Variants in WWOX observed in about 807,000 individuals in gnomAD.
The protein encoded by WWOX is WW domain-containing oxidoreductase.
In WWOX, 69 loss-of-function variants were observed where a neutral mutation model predicts 46.2. The observed-to-expected ratio is 1.49, with a 90% confidence interval of 1.23 to 1.82. WWOX has a LOEUF of 1.82. Ranked by LOEUF, WWOX falls within the 40% of genes most tolerant of loss-of-function variation. The probability of loss-of-function intolerance (pLI) is 0.00; values close to 1 mark genes in which losing one functional copy is unlikely to be tolerated. For synonymous variants in WWOX, 359 were observed against 202.6 expected, an observed-to-expected ratio of 1.77 and a Z score of -6.56; for missense variants, 919 against 542.6, an observed-to-expected ratio of 1.69 and a Z score of -6.89.
intron 8 of WWOX, chr16:78,756,924 G>C: frequency 4.3e-6 from 3 of 702,940 alleles, no homozygotes; most frequent in Non-Finnish European, 7.8e-6. Context: ...TTACTGATGT[G>C]GATCATTCAC....
At chr16:78,551,179 A>C (rs566734376) in intron 8 of WWOX, 2 of 152,308 alleles carry the variant, frequency 1.3e-5, no homozygotes, top group South Asian at 4.1e-4. Context: ...CCATGAAACA[A>C]ATATCGTGAA....
chr16:79,171,073 A>T (rs2050691018), intron 8 of WWOX, among the ~76,000 whole-genome samples: 1 of 152,220 alleles, frequency 6.6e-6, no homozygotes, highest in Admixed American at 6.5e-5. Flanking sequence ...ATGTTTATTC[A>T]GTGGTGATTA....
chr16:78,993,721 T>C (rs2046933922), intron 8 of WWOX, among the ~76,000 whole-genome samples: 1 of 152,166 alleles, frequency 6.6e-6, no homozygotes, highest in African/African-American at 2.4e-5. Flanking sequence ...GCTCCAGCAA[T>C]CTGCCTGGTG....
intron 8 of WWOX, among the ~76,000 whole-genome samples, chr16:79,194,344 C>G (rs986369546): frequency 2.6e-5 from 4 of 152,124 alleles, no homozygotes; most frequent in Admixed American, 6.5e-5. Context: ...TCTCTAAGCA[C>G]CTACCGTGCG....
intron 5 of WWOX, among the ~76,000 whole-genome samples, chr16:78,248,368 A>C (rs983855060): frequency 6.6e-6 from 1 of 152,186 alleles, no homozygotes; most frequent in African/African-American, 2.4e-5. Flanking sequence ...ATACGTGCTA[A>C]ACCATGCATG....
intron 8 of WWOX, among the ~76,000 whole-genome samples, chr16:78,587,851 C>G (rs1467364083): frequency 6.6e-6 from 1 of 152,206 alleles, no homozygotes; most frequent in Non-Finnish European, 1.5e-5. Context: ...CAATTCCTTG[C>G]TGTCAGGAAA....
At chr16:78,750,497 T>C (rs1197816834) in intron 8 of WWOX, among the ~76,000 whole-genome samples, 1 of 152,196 alleles carries the variant, frequency 6.6e-6, no homozygotes, top group African/African-American at 2.4e-5. Flanking sequence ...TTTTTATTTT[T>C]TGTTTCAGTT....
At chr16:78,722,616 T>C (rs887708542) in intron 8 of WWOX, among the ~76,000 whole-genome samples, 21 of 151,744 alleles carry the variant, frequency 1.4e-4, no homozygotes, top group African/African-American at 5.1e-4. Flanking sequence ...GCTTATCCCC[T>C]GGTAGGTATA....
At chr16:78,695,265 A>G (rs2048074289) in intron 8 of WWOX, among the ~76,000 whole-genome samples, 1 of 152,092 alleles carries the variant, frequency 6.6e-6, no homozygotes, top group Admixed American at 6.6e-5. Context: ...TCCACAGGCA[A>G]TCACATATTT....
intron 8 of WWOX, among the ~76,000 whole-genome samples, chr16:78,664,660 T>C (rs938891673): frequency 3.3e-5 from 5 of 152,194 alleles, no homozygotes; most frequent in African/African-American, 9.6e-5. Context: ...TCAGTGTGTC[T>C]AGGAAGACCA....
At chr16:78,915,860 G>T (rs187084058) in intron 8 of WWOX, among the ~76,000 whole-genome samples, 1 of 152,146 alleles carries the variant, frequency 6.6e-6, no homozygotes, top group Non-Finnish European at 1.5e-5. Context: ...CTTTATAACA[G>T]GAAGAACGCT....
intron 8 of WWOX, among the ~76,000 whole-genome samples, chr16:79,201,645 C>G (rs1039900177): frequency 6.6e-6 from 1 of 152,146 alleles, no homozygotes; most frequent in African/African-American, 2.4e-5. Flanking sequence ...AAAGTTTATG[C>G]GCTGCTTGGT....
chr16:78,877,787 A>G (rs1396216633), intron 8 of WWOX, among the ~76,000 whole-genome samples: 1 of 152,204 alleles, frequency 6.6e-6, no homozygotes, highest in Non-Finnish European at 1.5e-5. Flanking sequence ...GAATGAATCT[A>G]GAAATATCCT....
intron 8 of WWOX, among the ~76,000 whole-genome samples, chr16:79,139,962 G>C (rs903851456): frequency 6.6e-6 from 1 of 152,168 alleles, no homozygotes; most frequent in East Asian, 1.9e-4. Context: ...GATCATTTTA[G>C]CACCAACATT....
chr16:78,603,954 T>A (rs1384260362), intron 8 of WWOX, among the ~76,000 whole-genome samples: 1 of 151,848 alleles, frequency 6.6e-6, no homozygotes, highest in Non-Finnish European at 1.5e-5. Context: ...TCAGCCTGGG[T>A]AACATAGGGA....
At chr16:78,207,730 T>G (rs1230224154) in intron 5 of WWOX, among the ~76,000 whole-genome samples, 1 of 150,180 alleles carries the variant, frequency 6.7e-6, no homozygotes, top group Non-Finnish European at 1.5e-5. Flanking sequence ...CACTGCATTT[T>G]CAGCCTGGGT....
intron 8 of WWOX, among the ~76,000 whole-genome samples, chr16:78,689,531 T>C (rs1006312317): frequency 1.3e-5 from 2 of 152,232 alleles, no homozygotes; most frequent in Admixed American, 1.3e-4. Flanking sequence ...GTCCAGTCTT[T>C]GTAAGAGTCA....
intron 8 of WWOX, among the ~76,000 whole-genome samples, chr16:79,093,053 G>T (rs150364266): frequency 1.3e-5 from 2 of 152,284 alleles, no homozygotes; most frequent in African/African-American, 4.8e-5. Context: ...TTACCTAGCA[G>T]TTCAACAGCT....
chr16:78,432,694 G>T lies in WWOX; in HGVS notation c.998G>T (p.Arg333Leu), dbSNP rs184773837. 3.1e-6 allele frequency: 5 copies of T among 1,614,174 alleles called. No individual in the cohort carries two copies. Among genetic ancestry groups the T allele is most frequent in the Non-Finnish European group, 4.2e-6 (5 of 1,180,028 alleles). Residue 333 changes from arginine to leucine, a missense_variant, in exon 8 of 9, where the codon CGC (arginine) becomes CTC (leucine). Physicochemically the swap from Arg to Leu is moderately radical, Grantham distance 102. Transcript: ENST00000566780. The part of the protein sequence containing the change: ...PGNMMYSNIH[R>L]SWWVYTLLFT... ...AATATGATGTACTCCAACATTCATC[G>T]CAGCTGGTGGGTGTACACACTGCTG... is the stretch of plus-strand genomic sequence containing the variant.
Sources: gnomAD v4.1 joint callset for allele counts (sites outside exome capture counted in the v4.1 genomes callset) on GRCh38, gnomAD v4.1.1 for gene constraint, MANE v1.5 for transcripts, NCBI Gene and HGNC (gene_info 2026-07-23, HGNC 2026-07-21) for gene names.